SPAG16: variants seen among roughly 807,000 people sequenced by gnomAD.
The protein encoded by SPAG16 is sperm associated antigen 16, also known as sperm-associated antigen 16 protein.
A neutral mutation model predicts 80.4 loss-of-function variants in SPAG16; 86 were observed. That is an observed-to-expected ratio of 1.07 (90% CI 0.90 to 1.28). The LOEUF is 1.28. SPAG16 is among the 50% of genes most tolerant of loss of function. The pLI is 0.00. For missense variants in SPAG16, 870 were observed against 765.3 expected (o/e 1.14, Z -1.61); for synonymous variants, 294 against 265.9 (o/e 1.11, Z -1.03).
chr2:213,448,470 T>C (rs1013331409), intron 9 of SPAG16, among the ~76,000 whole-genome samples: 1 of 152,204 alleles, frequency 6.6e-6, no homozygotes, highest in Non-Finnish European at 1.5e-5. Flanking sequence ...GGCCCCACTG[T>C]AGTAAATTTT....
intron 12 of SPAG16, among the ~76,000 whole-genome samples, chr2:214,000,162 C>T (rs2046725058): frequency 6.6e-6 from 1 of 151,992 alleles, no homozygotes. Flanking sequence ...TGTCCCCACC[C>T]ACATCTCATC....
chr2:213,946,294 G>A (rs1394437927), intron 12 of SPAG16, among the ~76,000 whole-genome samples: 2 of 151,966 alleles, frequency 1.3e-5, no homozygotes, highest in Non-Finnish European at 2.9e-5. Flanking sequence ...TTTCTATTTT[G>A]AATAGAGACG....
intron 12 of SPAG16, among the ~76,000 whole-genome samples, chr2:213,975,801 C>G (rs1024279459): frequency 6.6e-6 from 1 of 151,798 alleles, no homozygotes; most frequent in African/African-American, 2.4e-5. Flanking sequence ...TGCTTTATAA[C>G]TATTTACTCC....
At chr2:214,193,282 T>C (rs971328642) in intron 15 of SPAG16, among the ~76,000 whole-genome samples, 22 of 152,016 alleles carry the variant, frequency 1.4e-4, no homozygotes, top group African/African-American at 5.3e-4. Flanking sequence ...GAAAGGGAAC[T>C]GGGAGGAGCT....
chr2:213,722,661 G>A (rs1011612033), intron 10 of SPAG16, among the ~76,000 whole-genome samples: 4 of 152,260 alleles, frequency 2.6e-5, no homozygotes, highest in South Asian at 2.1e-4. Flanking sequence ...TGCGGTTTAG[G>A]ACAAGCAATC....
intron 12 of SPAG16, among the ~76,000 whole-genome samples, chr2:214,009,496 G>C (rs543905007): frequency 1.2e-4 from 19 of 152,234 alleles, no homozygotes; most frequent in Admixed American, 1.1e-3. Context: ...TATAAGAGAA[G>C]TACAGAAACT....
At chr2:213,840,296 A>G (rs1187198643) in intron 10 of SPAG16, among the ~76,000 whole-genome samples, 3 of 152,196 alleles carry the variant, frequency 2.0e-5, no homozygotes, top group Non-Finnish European at 4.4e-5. Flanking sequence ...AAAACCATCC[A>G]GAAGACATTA....
chr2:214,407,147 A>G (rs1270815252), intron 15 of SPAG16, among the ~76,000 whole-genome samples: 1 of 152,020 alleles, frequency 6.6e-6, no homozygotes, highest in Non-Finnish European at 1.5e-5. Context: ...ATCAATTTTG[A>G]CCATTTTTAT....
intron 12 of SPAG16, among the ~76,000 whole-genome samples, chr2:213,984,440 C>G (rs759631242): frequency 6.6e-6 from 1 of 152,068 alleles, no homozygotes; most frequent in Non-Finnish European, 1.5e-5. Flanking sequence ...GAATGGATAG[C>G]AAAGCTCACA....
chr2:213,392,354 ACT>A lies in SPAG16; in HGVS notation c.942+17238_942+17239del, dbSNP rs138324188. On this transcript the variant is annotated intron_variant, in intron 9 of 15. Transcript: ENST00000331683. ...AAGTGTCATTGCATAATGCAGAGTGACTCTGGCATCAACCAAGGATCTGGGTG... is the reference window on the plus strand; with the variant it reads ...AAGTGTCATTGCATAATGCAGAGTGACTGGCATCAACCAAGGATCTGGGTG... 8.5e-3 allele frequency among the ~76,000 whole-genome samples: 1,299 copies of A among 152,282 alleles called. 26 individuals carry two copies. Among genetic ancestry groups the A allele is most frequent in the African/African-American group, 0.03 (1,241 of 41,560 alleles).
intron 12 of SPAG16, among the ~76,000 whole-genome samples, chr2:213,971,892 G>A (rs1231654570): frequency 6.7e-6 from 1 of 148,612 alleles, no homozygotes; most frequent in Admixed American, 6.7e-5. Context: ...TTTTTTTTTA[G>A]TACAGTCATC....
intron 15 of SPAG16, among the ~76,000 whole-genome samples, chr2:214,392,956 G>A (rs764663514): frequency 3.9e-5 from 6 of 152,122 alleles, no homozygotes; most frequent in Non-Finnish European, 5.9e-5. Flanking sequence ...TAAAATTGAT[G>A]TATTAAGAAA....
chr2:213,995,949 C>A (rs2046495196), intron 12 of SPAG16, among the ~76,000 whole-genome samples: 1 of 152,200 alleles, frequency 6.6e-6, no homozygotes, highest in South Asian at 2.1e-4. Flanking sequence ...CCAAGGGAAT[C>A]TACCTCACTC....
At chr2:213,670,789 T>A (rs1327705650) in intron 10 of SPAG16, among the ~76,000 whole-genome samples, 1 of 152,182 alleles carries the variant, frequency 6.6e-6, no homozygotes, top group Non-Finnish European at 1.5e-5. Context: ...TTACAATATT[T>A]TAGAAAGTTG....
At chr2:213,897,289 A>T (rs2077033576) in intron 11 of SPAG16, among the ~76,000 whole-genome samples, 1 of 152,178 alleles carries the variant, frequency 6.6e-6, no homozygotes, top group Non-Finnish European at 1.5e-5. Context: ...TATGACTTAC[A>T]AGTATGAGTT....
intron 15 of SPAG16, among the ~76,000 whole-genome samples, chr2:214,387,207 A>T (rs1020518618): frequency 1.3e-5 from 2 of 152,178 alleles, no homozygotes; most frequent in Non-Finnish European, 2.9e-5. Context: ...TGTTCTTAAG[A>T]TGCCATATAT....
intron 15 of SPAG16, among the ~76,000 whole-genome samples, chr2:214,190,844 G>A (rs555966827): frequency 6.6e-6 from 1 of 152,240 alleles, no homozygotes; most frequent in South Asian, 2.1e-4. Context: ...TGGACTTCCA[G>A]CCTCCAGAAC....
At chr2:214,277,679 C>T (rs1040862899) in intron 15 of SPAG16, among the ~76,000 whole-genome samples, 1 of 152,194 alleles carries the variant, frequency 6.6e-6, no homozygotes, top group Non-Finnish European at 1.5e-5. Flanking sequence ...CTTCTGGAAG[C>T]TTCATCCCAG....
At chr2:213,478,036 A>C (rs902893647) in intron 9 of SPAG16, among the ~76,000 whole-genome samples, 2 of 152,070 alleles carry the variant, frequency 1.3e-5, no homozygotes, top group African/African-American at 4.8e-5. Flanking sequence ...ATGGTTTTAG[A>C]AGTGTCTGGC....
Sources: gnomAD v4.1 joint callset for allele counts (sites outside exome capture counted in the v4.1 genomes callset) on GRCh38, gnomAD v4.1.1 for gene constraint, MANE v1.5 for transcripts, NCBI Gene and HGNC (gene_info 2026-07-23, HGNC 2026-07-21) for gene names.